Variants in NDUFAF2 observed in about 807,000 individuals in gnomAD.
The protein encoded by NDUFAF2 is NADH:ubiquinone oxidoreductase complex assembly factor 2.
Under a neutral mutation model 22.8 loss-of-function variants are expected in NDUFAF2, and 13 were observed. The ratio of observed to expected loss-of-function variants is 0.57; its 90% CI spans 0.37 to 0.91. The LOEUF is 0.91. NDUFAF2 is among the 40% of genes least tolerant of loss of function. The pLI is 0.01. For synonymous variants in NDUFAF2, 53 were observed against 64.2 expected (o/e 0.83, Z 0.84); for missense variants, 162 against 195.2 (o/e 0.83, Z 1.01).
At chr5:61,073,285 A>G (rs965557076) in intron 2 of NDUFAF2, 71 bp downstream of exon 2, 3 of 1,076,676 alleles carry the variant, frequency 2.8e-6, no homozygotes, top group Non-Finnish European at 4.3e-6. Flanking sequence ...CAATAAGAGC[A>G]TATATAGTTA....
chr5:61,113,721 A>G (rs1195688417), intron 3 of NDUFAF2, among the ~76,000 whole-genome samples: 1 of 152,168 alleles, frequency 6.6e-6, no homozygotes, highest in Non-Finnish European at 1.5e-5. Context: ...GCCATGCTGA[A>G]CTGTGAGTCA....
chr5:61,091,118 T>G (rs998854134), intron 2 of NDUFAF2, among the ~76,000 whole-genome samples: 3 of 152,212 alleles, frequency 2.0e-5, no homozygotes, highest in African/African-American at 7.2e-5. Context: ...TCCATGTCTT[T>G]GCTATTGTGA....
At chr5:60,946,765 C>T (rs1750464705) in intron 1 of NDUFAF2, among the ~76,000 whole-genome samples, 1 of 152,126 alleles carries the variant, frequency 6.6e-6, no homozygotes, top group Non-Finnish European at 1.5e-5. Flanking sequence ...AGAATAATTC[C>T]ATCACCATCA....
At chr5:61,117,717 A>T (rs1219740160) in intron 3 of NDUFAF2, among the ~76,000 whole-genome samples, 1 of 152,102 alleles carries the variant, frequency 6.6e-6, no homozygotes, top group Non-Finnish European at 1.5e-5. Context: ...ATATACAATG[A>T]TATGGATGAG....
intron 3 of NDUFAF2, among the ~76,000 whole-genome samples, chr5:61,143,960 T>G (rs2613623): frequency 0.11 from 10,856 of 98,218 alleles, 798 homozygotes; most frequent in South Asian, 0.17. Flanking sequence ...TGGCATATTT[T>G]TGTGTGTGTG....
chr5:61,148,516 T>C (rs1276602724), intron 3 of NDUFAF2, among the ~76,000 whole-genome samples: 1 of 152,240 alleles, frequency 6.6e-6, no homozygotes, highest in Non-Finnish European at 1.5e-5. Flanking sequence ...TTAAGATATA[T>C]TTGTACCTTC....
At chr5:60,960,248 A>G (rs1450184339) in intron 1 of NDUFAF2, among the ~76,000 whole-genome samples, 2 of 152,164 alleles carry the variant, frequency 1.3e-5, no homozygotes, top group East Asian at 3.9e-4. Flanking sequence ...TAAGAATAGT[A>G]GTGTCAATAA....
chr5:60,957,431 C>T (rs1750631082), intron 1 of NDUFAF2, among the ~76,000 whole-genome samples: 1 of 151,916 alleles, frequency 6.6e-6, no homozygotes, highest in African/African-American at 2.4e-5. Context: ...ATCAGATATC[C>T]AGCCATTCAC....
chr5:61,100,380 A>G (rs1752691362), intron 3 of NDUFAF2, among the ~76,000 whole-genome samples: 1 of 152,084 alleles, frequency 6.6e-6, no homozygotes, highest in African/African-American at 2.4e-5. Flanking sequence ...TAATTTCAGC[A>G]CCTCAAACAA....
intron 1 of NDUFAF2, among the ~76,000 whole-genome samples, chr5:61,063,377 A>G (rs1405445967): frequency 1.3e-5 from 2 of 151,488 alleles, no homozygotes; most frequent in African/African-American, 4.8e-5. Context: ...GTGTTGTGGC[A>G]CACACAAGCT....
At chr5:61,055,858 C>T (rs187609088) in intron 1 of NDUFAF2, among the ~76,000 whole-genome samples, 5 of 152,030 alleles carry the variant, frequency 3.3e-5, no homozygotes. Context: ...CTTATCCATT[C>T]AATTTTCTTT....
chr5:60,986,861 G>T (rs1385419710), intron 1 of NDUFAF2, among the ~76,000 whole-genome samples: 1 of 151,626 alleles, frequency 6.6e-6, no homozygotes, highest in Non-Finnish European at 1.5e-5. Context: ...GATTCCAGGA[G>T]GTGGAGGTTG....
chr5:61,040,407 C>T (rs1360946469), intron 1 of NDUFAF2, among the ~76,000 whole-genome samples: 1 of 152,036 alleles, frequency 6.6e-6, no homozygotes, highest in African/African-American at 2.4e-5. Context: ...TCAGAGGACC[C>T]TCCCTCCCTA....
At chr5:61,058,465 G>A (rs1752126256) in intron 1 of NDUFAF2, among the ~76,000 whole-genome samples, 1 of 151,822 alleles carries the variant, frequency 6.6e-6, no homozygotes, top group Non-Finnish European at 1.5e-5. Context: ...GTTTGCTTGA[G>A]TCACTATAAA....
intron 3 of NDUFAF2, among the ~76,000 whole-genome samples, chr5:61,110,375 T>C (rs1030143917): frequency 1.3e-5 from 2 of 152,088 alleles, no homozygotes; most frequent in African/African-American, 2.4e-5. Context: ...CCCTCCTCCA[T>C]TTTTCGGACT....
intron 1 of NDUFAF2, among the ~76,000 whole-genome samples, chr5:61,072,246 T>C (rs1158589337): frequency 6.6e-6 from 1 of 152,210 alleles, no homozygotes; most frequent in Non-Finnish European, 1.5e-5. Flanking sequence ...CAGTCTACCA[T>C]AGCCATAACC....
At position 61,067,432 on chromosome 5, in the gene NDUFAF2, A is replaced by T. The variant is rs1407493971; in HGVS notation, c.128-5693A>T. Among the ~76,000 whole-genome samples the T allele has an allele frequency of 2.6e-5, 4 of 151,148 alleles. No homozygotes were observed. The Admixed American group carries it at 2.7e-4, about 10-fold the overall frequency. ...GTGTTTGGTTTTTTGTCCTTGCGAT[A>T]GTTTGCTGAGAATGATGGTTTCCAG... On this transcript the variant is annotated intron_variant, in intron 1 of 3. Transcript: ENST00000296597.
At chr5:61,016,120 A>G (rs979259294) in intron 1 of NDUFAF2, among the ~76,000 whole-genome samples, 2 of 152,192 alleles carry the variant, frequency 1.3e-5, no homozygotes, top group Non-Finnish European at 2.9e-5. Context: ...CAGGAGGCAG[A>G]GGTTGCAGTA....
intron 3 of NDUFAF2, among the ~76,000 whole-genome samples, chr5:61,101,561 A>C (rs1752706009): frequency 6.6e-6 from 1 of 152,094 alleles, no homozygotes; most frequent in African/African-American, 2.4e-5. Context: ...GCACTTCATC[A>C]TGTTCCTCTG....
Sources: allele counts gnomAD v4.1 joint callset (sites outside exome capture counted in the v4.1 genomes callset), GRCh38; gene constraint gnomAD v4.1.1; transcripts MANE v1.5; gene names NCBI Gene and HGNC (gene_info 2026-07-23, HGNC 2026-07-21).